DPP4: variants seen among roughly 807,000 people sequenced by gnomAD.
DPP4 encodes dipeptidyl peptidase 4.
In DPP4, 93 loss-of-function variants were observed where a neutral mutation model predicts 122.4. That is an observed-to-expected ratio of 0.76 (90% CI 0.64 to 0.90). DPP4 has a LOEUF of 0.90. Among genes scored for constraint, DPP4 ranks in the 40% least tolerant of loss-of-function variants. The pLI, the probability that DPP4 is intolerant of heterozygous loss-of-function variation, is 0.00. For missense variants in DPP4, 914 were observed against 907.3 expected (o/e 1.01, Z -0.09); for synonymous variants, 321 against 302.9 (o/e 1.06, Z -0.62).
At chr2:162,004,197 A>G (rs768150703) in intron 23 of DPP4, among the ~76,000 whole-genome samples, 1 of 152,232 alleles carries the variant, frequency 6.6e-6, no homozygotes, top group Non-Finnish European at 1.5e-5. Context: ...AGAAGGAACC[A>G]TGAACATGTT....
chr2:161,992,305 T>C lies in DPP4; in HGVS notation c.*978A>G, dbSNP rs1161427817. 6.6e-6 allele frequency: 1 copy of C among 152,260 alleles called. No individual in the cohort carries two copies. Among genetic ancestry groups the C allele is most frequent in the Non-Finnish European group, 1.5e-5 (1 of 68,038 alleles). The allele number at this position is 152,260 out of a possible 1,614,324, so 9.4% of individuals were successfully genotyped here. A position where few individuals can be genotyped will look rare whatever the true frequency, so the allele number is the denominator to read the frequency against. On this transcript the variant is annotated 3_prime_UTR_variant, in exon 26 of 26. Transcript: ENST00000360534. ...GGGAGAAATTCCATAGTATGTAGAA[T>C]GGGAATAATAATACATAACATTGTA...
intron 2 of DPP4, among the ~76,000 whole-genome samples, chr2:162,062,973 C>T (rs1296356041): frequency 2.0e-5 from 3 of 148,196 alleles, no homozygotes; most frequent in East Asian, 2.0e-4. Context: ...GAGAATACAC[C>T]ATAGGGAAGT....
At chr2:161,997,728 T>C (rs1701042129) in intron 23 of DPP4, among the ~76,000 whole-genome samples, 1 of 152,118 alleles carries the variant, frequency 6.6e-6, no homozygotes, top group South Asian at 2.1e-4. Context: ...TAAATAAGGG[T>C]TTATAAAAGC....
intron 2 of DPP4, among the ~76,000 whole-genome samples, chr2:162,055,950 C>T (rs1004978233): frequency 6.6e-6 from 1 of 152,224 alleles, no homozygotes; most frequent in Non-Finnish European, 1.5e-5. Context: ...ACACTGGCCA[C>T]CCAGTGGCCA....
Position 162,014,475 on chromosome 2 carries a change from CAGAA to C in DPP4, c.1568-14_1568-11del. ...ATCTGATACCAAAATTCTAAACAAACAGAAAGATTAATTAGTGAGGTAAGAAAAA... is the reference window on the plus strand; with the variant it reads ...ATCTGATACCAAAATTCTAAACAAACAGATTAATTAGTGAGGTAAGAAAAA... On this transcript the variant is annotated splice_polypyrimidine_tract_variant and intron_variant, in intron 18 of 25. Transcript: ENST00000360534. 6.3e-7 allele frequency: 1 copy of C among 1,596,394 alleles called. No individual in the cohort carries two copies. Among genetic ancestry groups the C allele is most frequent in the Admixed American group, 1.7e-5 (1 of 57,390 alleles).
intron 23 of DPP4, among the ~76,000 whole-genome samples, chr2:161,997,113 G>A (rs1701026769): frequency 6.6e-6 from 1 of 152,208 alleles, no homozygotes; most frequent in African/African-American, 2.4e-5. Context: ...TCCTGGCCTA[G>A]TAGGCTTAAA....
chr2:162,052,259 G>T (rs1028092372), intron 2 of DPP4, among the ~76,000 whole-genome samples: 1 of 147,390 alleles, frequency 6.8e-6, no homozygotes, highest in Admixed American at 7.0e-5. Flanking sequence ...CAGAGGTTTT[G>T]GTGAGCTGCG....
At chr2:162,038,536 C>T in intron 7 of DPP4, 114 bp from the exon 8 acceptor site, 5 of 1,165,966 alleles carry the variant, frequency 4.3e-6, no homozygotes. Flanking sequence ...TCAAATATTC[C>T]ATTCAAACAG....
intron 23 of DPP4, among the ~76,000 whole-genome samples, chr2:161,996,870 A>G (rs1028397397): frequency 2.6e-5 from 4 of 152,202 alleles, no homozygotes; most frequent in South Asian, 2.1e-4. Context: ...TCAGGCATCC[A>G]CTGGGGGTCT....
At chr2:162,057,843 G>C (rs1283617284) in intron 2 of DPP4, among the ~76,000 whole-genome samples, 1 of 152,106 alleles carries the variant, frequency 6.6e-6, no homozygotes, top group Admixed American at 6.5e-5. Flanking sequence ...CACAATCTTG[G>C]CTCACTGCAA....
In DPP4 at chr2:161,993,166, G is replaced by T; in HGVS notation, c.*117C>A. ...AATTTGGGAACAAAGGTAACCTTAA[G>T]TTTCTTGATTTGAGTGTGTATTTTA... On this transcript the variant is annotated 3_prime_UTR_variant, in exon 26 of 26. Coordinates refer to ENST00000360534, the MANE Select transcript of DPP4 (RefSeq NM_001935.4). The T allele has an allele frequency of 1.2e-6, 1 of 802,146 alleles. No individual in the cohort carries two copies. The highest frequency in any genetic ancestry group is 2.0e-6 in the Non-Finnish European group (1 of 491,890). 49.7% of individuals were successfully genotyped at this position (802,146 alleles called of 1,614,324 possible). A position where few individuals can be genotyped will look rare whatever the true frequency, so the allele number is the denominator to read the frequency against.
intron 19 of DPP4, among the ~76,000 whole-genome samples, chr2:162,013,340 G>C (rs142456029): frequency 6.6e-6 from 1 of 152,086 alleles, no homozygotes; most frequent in Non-Finnish European, 1.5e-5. Flanking sequence ...TTAGTGTCAC[G>C]AATGAATTGA....
At chr2:162,019,198 G>A (rs1470483667) in intron 15 of DPP4, 25 bp downstream of exon 15, 1 of 1,587,504 alleles carries the variant, frequency 6.3e-7, no homozygotes, top group South Asian at 1.1e-5. Context: ...AATGACTCAA[G>A]TCAACAACTT....
intron 10 of DPP4, among the ~76,000 whole-genome samples, chr2:162,028,220 G>C (rs1444243007): frequency 5.3e-5 from 8 of 152,204 alleles, no homozygotes; most frequent in Non-Finnish European, 1.0e-4. Flanking sequence ...AAATTAGTCA[G>C]GCATGGTGGG....
chr2:161,997,836 G>A (rs1701045219), intron 23 of DPP4, among the ~76,000 whole-genome samples: 1 of 152,212 alleles, frequency 6.6e-6, no homozygotes, highest in African/African-American at 2.4e-5. Context: ...TGAGTAACCT[G>A]CACCCGGTCA....
intron 2 of DPP4, among the ~76,000 whole-genome samples, chr2:162,050,044 C>A (rs1684328946): frequency 2.0e-5 from 3 of 152,090 alleles, no homozygotes; most frequent in Admixed American, 1.3e-4. Context: ...AAAATCAGTC[C>A]TTGAATTTGC....
At chr2:162,050,838 T>A (rs1684358065) in intron 2 of DPP4, among the ~76,000 whole-genome samples, 1 of 152,230 alleles carries the variant, frequency 6.6e-6, no homozygotes, top group African/African-American at 2.4e-5. Flanking sequence ...GTCAAACTCT[T>A]ATGAGACATG....
At chr2:162,057,453 G>GAGA (rs2106148395) in intron 2 of DPP4, among the ~76,000 whole-genome samples, 1 of 152,284 alleles carries the variant, frequency 6.6e-6, no homozygotes, top group Admixed American at 6.5e-5. Context: ...CTGTTAATAG[G>GAGA]AGAAAATAGA....
At chr2:162,033,686 CAAAAA>C in intron 9 of DPP4, 33 bp from the exon 10 acceptor site, 1 of 1,134,494 alleles carries the variant, frequency 8.8e-7, no homozygotes, top group South Asian at 1.6e-5. Context: ...TTGGTATTGA[CAAAAA>C]AAAAAAAGTA....
Sources: gnomAD v4.1 joint callset for allele counts (sites outside exome capture counted in the v4.1 genomes callset) on GRCh38, gnomAD v4.1.1 for gene constraint, MANE v1.5 for transcripts, NCBI Gene and HGNC (gene_info 2026-07-23, HGNC 2026-07-21) for gene names.